The following KCTD1 variants were observed in gnomAD, a reference collection of about 807,000 sequenced individuals.
KCTD1 encodes BTB/POZ domain-containing protein KCTD1.
KCTD1 carries 24 observed loss-of-function variants against 66.0 expected under a neutral mutation model. The ratio of observed to expected loss-of-function variants is 0.36; its 90% CI spans 0.26 to 0.51. The LOEUF is 0.51. Ranked by LOEUF, KCTD1 falls within the 20% of genes least tolerant of loss-of-function variation. The pLI is 0.95. For synonymous variants in KCTD1, 511 were observed against 517.2 expected (o/e 0.99, Z 0.16); for missense variants, 943 against 1,205.2 (o/e 0.78, Z 3.22).
chr18:26,558,501 A>ATATT (rs1259785946), intron 1 of KCTD1, among the ~76,000 whole-genome samples: 58 of 152,258 alleles, frequency 3.8e-4, no homozygotes, highest in Non-Finnish European at 6.6e-4. Flanking sequence ...AAATATCTGT[A>ATATT]CTCCCATGTT....
At chr18:26,481,109 T>C (rs183835300) in intron 2 of KCTD1, among the ~76,000 whole-genome samples, 24 of 152,336 alleles carry the variant, frequency 1.6e-4, no homozygotes, top group African/African-American at 4.6e-4. Context: ...CATTCACTCT[T>C]TCCACCAGTA....
intron 1 of KCTD1, among the ~76,000 whole-genome samples, chr18:26,542,173 A>T (rs1169180046): frequency 6.6e-6 from 1 of 152,112 alleles, no homozygotes; most frequent in Non-Finnish European, 1.5e-5. Flanking sequence ...AGCACTAAAA[A>T]CGTTAATTAA....
At chr18:26,616,015 T>C (rs1987242653) in intron 1 of KCTD1, among the ~76,000 whole-genome samples, 1 of 152,166 alleles carries the variant, frequency 6.6e-6, no homozygotes, top group Non-Finnish European at 1.5e-5. Context: ...GGTCTTGAAC[T>C]CCTGATCTCA....
chr18:26,471,296 G>A (rs1981048491), intron 3 of KCTD1, among the ~76,000 whole-genome samples: 3 of 151,734 alleles, frequency 2.0e-5, no homozygotes, highest in Admixed American at 1.3e-4. Flanking sequence ...CCCAAAGCTC[G>A]ATGTATTCTG....
intron 1 of KCTD1, among the ~76,000 whole-genome samples, chr18:26,620,432 ATTTTT>A (rs76367093): frequency 4.0e-4 from 30 of 74,366 alleles, no homozygotes; most frequent in Admixed American, 1.2e-3. Flanking sequence ...TCAAAATTGC[ATTTTT>A]TTTTTTTTTT....
intron 1 of KCTD1, among the ~76,000 whole-genome samples, chr18:26,647,807 C>T (rs760630436): frequency 4.0e-5 from 6 of 150,630 alleles, no homozygotes; most frequent in Non-Finnish European, 8.9e-5. Context: ...AGGTGATAGC[C>T]GTTTAACAAA....
chr18:26,492,091 A>G (rs1982229069), intron 2 of KCTD1, among the ~76,000 whole-genome samples: 1 of 152,066 alleles, frequency 6.6e-6, no homozygotes, highest in South Asian at 2.1e-4. Context: ...AAACATAAAA[A>G]ATTAGCCAGG....
At chr18:26,526,786 T>C (rs1324655111) in intron 1 of KCTD1, among the ~76,000 whole-genome samples, 1 of 151,466 alleles carries the variant, frequency 6.6e-6, no homozygotes, top group African/African-American at 2.4e-5. Context: ...GGAGAACATG[T>C]GTGGATTAAA....
intron 1 of KCTD1, among the ~76,000 whole-genome samples, chr18:26,619,409 A>G (rs988163809): frequency 6.6e-6 from 1 of 152,226 alleles, no homozygotes; most frequent in African/African-American, 2.4e-5. Flanking sequence ...TTACTTCCCA[A>G]TGAGACCACT....
intron 1 of KCTD1, among the ~76,000 whole-genome samples, chr18:26,537,213 T>A (rs1034951329): frequency 1.3e-5 from 2 of 152,236 alleles, no homozygotes; most frequent in African/African-American, 4.8e-5. Flanking sequence ...TCTCTTTTTT[T>A]TCTGGAGTGA....
At chr18:26,605,768 C>CTATATATA (rs1555646522) in intron 1 of KCTD1, among the ~76,000 whole-genome samples, 1 of 134,072 alleles carries the variant, frequency 7.5e-6, no homozygotes, top group African/African-American at 2.8e-5. Flanking sequence ...ATCTATCTAT[C>CTATATATA]TATATTACAT....
chr18:26,484,553 A>C (rs1981818154), intron 2 of KCTD1, among the ~76,000 whole-genome samples: 1 of 152,242 alleles, frequency 6.6e-6, no homozygotes, highest in Admixed American at 6.5e-5. Flanking sequence ...GACTTCGGTT[A>C]GAAAATTTTT....
At chr18:26,629,059 G>A (rs1474562035) in intron 1 of KCTD1, 1 of 424,804 alleles carries the variant, frequency 2.4e-6, no homozygotes, top group African/African-American at 2.2e-5. Context: ...AGATGATCAG[G>A]AAGTGCTGGA....
chr18:26,535,277 T>C (rs1374986050), intron 1 of KCTD1, among the ~76,000 whole-genome samples: 3 of 152,098 alleles, frequency 2.0e-5, no homozygotes, highest in Non-Finnish European at 4.4e-5. Context: ...TCTCTTTTAA[T>C]TAAGTGCTCT....
chr18:26,477,871 G>C (rs186142832), intron 2 of KCTD1, among the ~76,000 whole-genome samples: 8 of 152,232 alleles, frequency 5.3e-5, no homozygotes, highest in Admixed American at 4.6e-4. Flanking sequence ...ATTATGGTAG[G>C]GTTATTTTCT....
At chr18:26,521,607 T>C (rs1382751004) in intron 1 of KCTD1, among the ~76,000 whole-genome samples, 1 of 152,222 alleles carries the variant, frequency 6.6e-6, no homozygotes, top group Non-Finnish European at 1.5e-5. Flanking sequence ...CCCCAGGAGC[T>C]ACAAAATTCT....
chr18:26,517,313 G>A (rs1409045360), intron 1 of KCTD1, among the ~76,000 whole-genome samples: 1 of 152,130 alleles, frequency 6.6e-6, no homozygotes, highest in African/African-American at 2.4e-5. Context: ...TTCCCATGCT[G>A]TTCTCATGAT....
intron 1 of KCTD1, among the ~76,000 whole-genome samples, chr18:26,528,551 T>G (rs1335967674): frequency 6.6e-6 from 1 of 152,188 alleles, no homozygotes; most frequent in Non-Finnish European, 1.5e-5. Context: ...GAGCCCTGCC[T>G]TCCTCCAGCT....
intron 1 of KCTD1, among the ~76,000 whole-genome samples, chr18:26,528,666 C>T (rs1443614644): frequency 6.6e-6 from 1 of 152,134 alleles, no homozygotes; most frequent in East Asian, 1.9e-4. Flanking sequence ...TGGCTTCTGC[C>T]CCATGCCCCA....
Sources: gnomAD v4.1 joint callset for allele counts (sites outside exome capture counted in the v4.1 genomes callset) on GRCh38, gnomAD v4.1.1 for gene constraint, MANE v1.5 for transcripts, NCBI Gene and HGNC (gene_info 2026-07-23, HGNC 2026-07-21) for gene names.